APPBP2: variants seen among roughly 807,000 people sequenced by gnomAD.
APPBP2 encodes the protein amyloid beta precursor protein binding protein 2, also known as amyloid protein-binding protein 2.
A neutral mutation model predicts 76.0 loss-of-function variants in APPBP2; 15 were observed. That is an observed-to-expected ratio of 0.20 (90% CI 0.13 to 0.30). The LOEUF (loss-of-function observed/expected upper bound fraction) is 0.30. Among genes scored for constraint, APPBP2 ranks in the 10% least tolerant of loss-of-function variants. The pLI is 1.00. For synonymous variants in APPBP2, 222 were observed against 242.2 expected, an observed-to-expected ratio of 0.92 and a Z score of 0.77; for missense variants, 401 against 687.2, an observed-to-expected ratio of 0.58 and a Z score of 4.66.
chr17:60,500,424 T>C lies in APPBP2; in HGVS notation c.202A>G (p.Lys68Glu). The change falls in exon 2 of 13, where the codon AAA becomes GAA. Residue 68 changes from lysine to glutamate, a missense_variant. This residue lies in a region of APPBP2 where 149 missense variants were observed against 198.4 expected (regional missense o/e 0.75). Transcript: ENST00000083182. ...CTTTTATCCAAAGCTCTCAGTACTT[T>C]AGCAAAAACTTCCAATTCACAAAAT... ...SEFCELEVFA[K>E]VLRALDKRHL... The C allele has an allele frequency of 6.2e-7, 1 of 1,610,526 alleles. No homozygotes were observed. The highest frequency in any genetic ancestry group is 1.1e-5 in the South Asian group (1 of 90,150).
At chr17:60,508,778 C>G (rs1053131725) in intron 1 of APPBP2, among the ~76,000 whole-genome samples, 1 of 152,134 alleles carries the variant, frequency 6.6e-6, no homozygotes, top group African/African-American at 2.4e-5. Context: ...AACTCAGAAT[C>G]TGGCATTAAA....
At chr17:60,523,553 G>A (rs1055998372) in intron 1 of APPBP2, among the ~76,000 whole-genome samples, 2 of 152,124 alleles carry the variant, frequency 1.3e-5, no homozygotes. Context: ...GAAAAGTCAG[G>A]TGCGGTGGCA....
intron 10 of APPBP2, 61 bp downstream of exon 10, chr17:60,456,235 C>T (rs768726314): frequency 2.8e-5 from 31 of 1,110,436 alleles, no homozygotes; most frequent in Non-Finnish European, 3.8e-5. Flanking sequence ...AAACAAATAC[C>T]CCTATTTTAT....
At chr17:60,451,699 G>A (rs539834106) in intron 12 of APPBP2, among the ~76,000 whole-genome samples, 181 bp downstream of exon 12, 84 of 151,946 alleles carry the variant, frequency 5.5e-4, no homozygotes, top group Non-Finnish European at 9.1e-4. Flanking sequence ...GGCTGGTCTC[G>A]AACTCCTGAC....
chr17:60,469,790 C>T (rs989734977), intron 4 of APPBP2, among the ~76,000 whole-genome samples: 2 of 152,116 alleles, frequency 1.3e-5, no homozygotes, highest in African/African-American at 4.8e-5. Context: ...CTGATGGATA[C>T]TTGGATTGTT....
At chr17:60,494,984 G>GTT (rs60043373) in intron 2 of APPBP2, among the ~76,000 whole-genome samples, 1,165 of 107,000 alleles carry the variant, frequency 0.011, 50 homozygotes, top group Admixed American at 0.067. Flanking sequence ...GTTTTGTTTT[G>GTT]TTTTTTTTTT....
At chr17:60,466,546 A>C (rs1567922810) in intron 4 of APPBP2, 87 bp from the exon 5 acceptor site, 4 of 1,263,828 alleles carry the variant, frequency 3.2e-6, no homozygotes, top group Non-Finnish European at 2.2e-6. Flanking sequence ...TGAATGACTT[A>C]AGGTAATTAA....
chr17:60,457,384 A>T (rs187335749), intron 9 of APPBP2, among the ~76,000 whole-genome samples: 2 of 151,862 alleles, frequency 1.3e-5, no homozygotes, highest in Admixed American at 6.6e-5. Flanking sequence ...TTGTAACTAA[A>T]CTTCTGTTTA....
At chr17:60,520,502 G>A (rs949690473) in intron 1 of APPBP2, among the ~76,000 whole-genome samples, 1 of 151,340 alleles carries the variant, frequency 6.6e-6, no homozygotes, top group Admixed American at 6.6e-5. Flanking sequence ...GAACCCAGGA[G>A]GCAGAGGTTG....
intron 4 of APPBP2, among the ~76,000 whole-genome samples, chr17:60,472,220 T>C (rs2090557761): frequency 6.6e-6 from 1 of 152,216 alleles, no homozygotes; most frequent in African/African-American, 2.4e-5. Flanking sequence ...TGCAATTTCC[T>C]GGAGGAGTTT....
intron 3 of APPBP2, among the ~76,000 whole-genome samples, chr17:60,480,098 A>G (rs2090618000): frequency 6.6e-6 from 1 of 152,236 alleles, no homozygotes; most frequent in Non-Finnish European, 1.5e-5. Flanking sequence ...ACCAGAAAAC[A>G]CAAAGTAACA....
chr17:60,455,254 C>A lies in APPBP2; in HGVS notation c.1148-762G>T, dbSNP rs1245289739. The stretch of plus-strand genomic sequence containing the variant: ...AAAAAATCAGATTATAAAATTAAAT[C>A]ATTCATTTAGTTATCTTATTTGAAG... On this transcript the variant is annotated intron_variant, in intron 10 of 12. Transcript: ENST00000083182. Among the ~76,000 whole-genome samples, 5 of 152,154 alleles carry A rather than the reference C, an allele frequency of 3.3e-5. No homozygotes were observed. In the East Asian group the frequency reaches 7.7e-4, roughly 23 times the overall value.
chr17:60,456,693 C>T (rs2090433912), intron 9 of APPBP2, among the ~76,000 whole-genome samples: 2 of 152,128 alleles, frequency 1.3e-5, no homozygotes, highest in South Asian at 4.2e-4. Context: ...TCCGCCTTCC[C>T]CTCCAGCCAC....
chr17:60,483,016 A>C (rs947050515), intron 3 of APPBP2, among the ~76,000 whole-genome samples: 1 of 152,232 alleles, frequency 6.6e-6, no homozygotes, highest in Non-Finnish European at 1.5e-5. Context: ...ACTGTCTTCC[A>C]CAATAGTTGA....
chr17:60,502,383 G>A (rs73328493), intron 1 of APPBP2, among the ~76,000 whole-genome samples: 12,502 of 152,116 alleles, frequency 0.082, 1,684 homozygotes, highest in African/African-American at 0.28. Context: ...GAGAACTTAC[G>A]ACCACATTCT....
intron 6 of APPBP2, among the ~76,000 whole-genome samples, chr17:60,463,159 A>G (rs1221523370): frequency 6.6e-6 from 1 of 152,220 alleles, no homozygotes; most frequent in Non-Finnish European, 1.5e-5. Context: ...TCTCAGATCT[A>G]TAATTTTGGA....
chr17:60,488,691 T>C (rs1168917367), intron 3 of APPBP2, among the ~76,000 whole-genome samples: 1 of 152,194 alleles, frequency 6.6e-6, no homozygotes, highest in East Asian at 1.9e-4. Flanking sequence ...AGGTATCTAG[T>C]TGGGTCATTA....
chr17:60,484,256 C>A (rs563991617), intron 3 of APPBP2, among the ~76,000 whole-genome samples: 1 of 151,962 alleles, frequency 6.6e-6, no homozygotes, highest in African/African-American at 2.4e-5. Context: ...TTTTTCCAAT[C>A]CTGTGAAGAA....
intron 1 of APPBP2, among the ~76,000 whole-genome samples, chr17:60,520,570 TAAAA>T (rs781626784): frequency 1.0e-5 from 1 of 99,862 alleles, no homozygotes. Context: ...AAGACTCTGT[TAAAA>T]AAAAAAAAAA....
Sources: gnomAD v4.1 joint callset for allele counts (sites outside exome capture counted in the v4.1 genomes callset) on GRCh38, gnomAD v4.1.1 for gene constraint, gnomAD v4.1.1 regional missense constraint, MANE v1.5 for transcripts, NCBI Gene and HGNC (gene_info 2026-07-23, HGNC 2026-07-21) for gene names.